Variants in PACRG observed in about 807,000 individuals in gnomAD.
PACRG encodes parkin coregulated gene protein.
PACRG carries 29 observed loss-of-function variants against 29.7 expected under a neutral mutation model. The ratio of observed to expected loss-of-function variants is 0.98; its 90% CI spans 0.73 to 1.33. PACRG has a LOEUF of 1.33. Among genes scored for constraint, PACRG ranks in the 40% most tolerant of loss-of-function variants. PACRG has a pLI of 0.00. For missense variants in PACRG, 279 were observed against 316.2 expected (o/e 0.88, Z 0.89); for synonymous variants, 116 against 118.7 (o/e 0.98, Z 0.15).
intron 4 of PACRG, among the ~76,000 whole-genome samples, chr6:163,263,649 C>T (rs950299595): frequency 6.6e-6 from 1 of 152,146 alleles, no homozygotes. Flanking sequence ...GGTTAAAAAT[C>T]ACATTTTCAT....
At chr6:163,032,446 T>C (rs1213147860) in intron 2 of PACRG, among the ~76,000 whole-genome samples, 1 of 152,180 alleles carries the variant, frequency 6.6e-6, no homozygotes, top group African/African-American at 2.4e-5. Context: ...CTTTGGAAGA[T>C]GATCAAAATA....
chr6:162,790,491 T>C (rs976120535), intron 1 of PACRG, among the ~76,000 whole-genome samples: 5 of 151,984 alleles, frequency 3.3e-5, no homozygotes, highest in African/African-American at 1.2e-4. Context: ...TCTATTGTTT[T>C]GTAGCAAGTC....
At chr6:163,138,817 T>C (rs1195712238) in intron 4 of PACRG, among the ~76,000 whole-genome samples, 1 of 152,218 alleles carries the variant, frequency 6.6e-6, no homozygotes, top group Non-Finnish European at 1.5e-5. Flanking sequence ...AAATGTTCAT[T>C]ATAATTCACA....
chr6:162,809,879 C>G (rs984868588), intron 1 of PACRG, among the ~76,000 whole-genome samples: 3 of 152,118 alleles, frequency 2.0e-5, no homozygotes, highest in Non-Finnish European at 4.4e-5. Flanking sequence ...TTCCTCTTCA[C>G]TAGAATAGTA....
intron 2 of PACRG, among the ~76,000 whole-genome samples, chr6:162,969,016 C>T (rs1801295876): frequency 8.5e-6 from 1 of 117,428 alleles, no homozygotes; most frequent in South Asian, 3.0e-4. Context: ...CACTGCCCTC[C>T]AGCCTGGGGA....
At chr6:163,272,766 CA>C (rs1783880771) in intron 4 of PACRG, among the ~76,000 whole-genome samples, 1 of 151,984 alleles carries the variant, frequency 6.6e-6, no homozygotes, top group South Asian at 2.1e-4. Context: ...GCTTTATCAA[CA>C]TCCATGGAAA....
chr6:163,178,491 T>C (rs1370631344), intron 4 of PACRG, among the ~76,000 whole-genome samples: 1 of 152,172 alleles, frequency 6.6e-6, no homozygotes, highest in African/African-American at 2.4e-5. Flanking sequence ...CACAGACACA[T>C]GCAGGAAACT....
At chr6:163,114,394 T>C (rs1815869276) in intron 4 of PACRG, among the ~76,000 whole-genome samples, 1 of 152,162 alleles carries the variant, frequency 6.6e-6, no homozygotes. Context: ...ATCCTTAGGG[T>C]GACCACAAAG....
intron 4 of PACRG, among the ~76,000 whole-genome samples, chr6:163,279,881 A>T (rs1784171952): frequency 6.6e-6 from 1 of 152,226 alleles, no homozygotes; most frequent in South Asian, 2.1e-4. Flanking sequence ...TTCCTATGTT[A>T]TTGAATTACC....
At chr6:162,904,713 C>T (rs1411755086) in intron 2 of PACRG, among the ~76,000 whole-genome samples, 1 of 152,100 alleles carries the variant, frequency 6.6e-6, no homozygotes, top group Non-Finnish European at 1.5e-5. Context: ...AAATGTTAGG[C>T]ATTGAGATTA....
At chr6:163,045,972 C>A (rs1241772837) in intron 2 of PACRG, among the ~76,000 whole-genome samples, 1 of 152,072 alleles carries the variant, frequency 6.6e-6, no homozygotes, top group African/African-American at 2.4e-5. Flanking sequence ...CCCAGGTCAG[C>A]CTGCACTTCA....
chr6:163,118,431 T>C (rs991466862), intron 4 of PACRG, among the ~76,000 whole-genome samples: 1 of 152,304 alleles, frequency 6.6e-6, no homozygotes, highest in East Asian at 1.9e-4. Flanking sequence ...TTCTTTAAGG[T>C]GTGATAGAAC....
intron 3 of PACRG, among the ~76,000 whole-genome samples, chr6:163,063,691 G>A (rs1409448652): frequency 6.6e-6 from 1 of 152,032 alleles, no homozygotes; most frequent in African/African-American, 2.4e-5. Context: ...ATCTGTAAGT[G>A]ACCACACCAC....
intron 2 of PACRG, among the ~76,000 whole-genome samples, chr6:162,989,638 T>C (rs950397629): frequency 6.6e-6 from 1 of 152,096 alleles, no homozygotes; most frequent in African/African-American, 2.4e-5. Context: ...AACAAATCCA[T>C]TTTTATGAAT....
intron 2 of PACRG, chr6:163,051,441 C>T (rs1023351616): frequency 4.6e-5 from 7 of 152,020 alleles, no homozygotes; most frequent in African/African-American, 1.7e-4. Context: ...GCCCGGGCCC[C>T]AAGGGTTTCC....
At chr6:163,271,618 C>A (rs1783835075) in intron 4 of PACRG, among the ~76,000 whole-genome samples, 1 of 152,128 alleles carries the variant, frequency 6.6e-6, no homozygotes, top group South Asian at 2.1e-4. Flanking sequence ...TCATGTTTTA[C>A]CTACTGGTTT....
chr6:162,914,371 A>G (rs1170642382), intron 2 of PACRG, among the ~76,000 whole-genome samples: 1 of 152,126 alleles, frequency 6.6e-6, no homozygotes, highest in Non-Finnish European at 1.5e-5. Context: ...TACATATGGA[A>G]TAGAATAGAC....
At position 163,075,985 on chromosome 6, in the gene PACRG, C is replaced by T. The variant is rs116185105; in HGVS notation, c.464-13274C>T. On this transcript the variant is annotated intron_variant, in intron 3 of 4. Transcript: ENST00000366888. ...GGAAACAAGAGCTCAGAAGGTCCAC[C>T]CTGGAAGGGGCACATTTCACTTCTA... Among the ~76,000 whole-genome samples, 779 of 152,302 alleles carry T rather than the reference C, an allele frequency of 5.1e-3. 9 individuals are homozygous for T. Among genetic ancestry groups the T allele is most frequent in the African/African-American group, 0.017 (726 of 41,568 alleles).
intron 2 of PACRG, among the ~76,000 whole-genome samples, chr6:162,906,046 G>A (rs1017069884): frequency 6.6e-6 from 1 of 152,100 alleles, no homozygotes; most frequent in Non-Finnish European, 1.5e-5. Context: ...GAAAAAAAGG[G>A]GGGGAAAGCT....
Sources: allele counts gnomAD v4.1 joint callset (sites outside exome capture counted in the v4.1 genomes callset), GRCh38; gene constraint gnomAD v4.1.1; transcripts MANE v1.5; gene names NCBI Gene and HGNC (gene_info 2026-07-23, HGNC 2026-07-21).